NMNAT1: variants seen among roughly 807,000 people sequenced by gnomAD.
NMNAT1 encodes nicotinamide nucleotide adenylyltransferase 1.
In NMNAT1, 11 loss-of-function variants were observed where a neutral mutation model predicts 16.7. That is an observed-to-expected ratio of 0.66 (90% confidence interval 0.41 to 1.09). The LOEUF is 1.09. NMNAT1 is among the 50% of genes least tolerant of loss of function. NMNAT1 has a pLI of 0.00. For missense variants in NMNAT1, 280 were observed against 332.3 expected (o/e 0.84, Z 1.22); for synonymous variants, 110 against 119.8 (o/e 0.92, Z 0.53).
intron 3 of NMNAT1, among the ~76,000 whole-genome samples, chr1:9,977,730 T>C (rs1641846658): frequency 1.3e-5 from 2 of 151,052 alleles, no homozygotes; most frequent in Admixed American, 1.3e-4. Flanking sequence ...GCTGGGCCCA[T>C]ACCTGTAATC....
At chr1:9,994,732 C>T in the NMNAT1 span, among the ~76,000 whole-genome samples, 3 of 151,956 alleles carry the variant, frequency 2.0e-5, no homozygotes, top group African/African-American at 7.3e-5. Flanking sequence ...CTGCCTCAGC[C>T]TCCCGAGTAG....
chr1:9,996,050 G>A, the NMNAT1 span, among the ~76,000 whole-genome samples: 5 of 149,246 alleles, frequency 3.4e-5, no homozygotes, highest in East Asian at 8.1e-4. Context: ...AGTGGCTCAG[G>A]CCTGTAATCC....
chr1:9,956,010 T>G (rs1035643991), intron 1 of NMNAT1: 1 of 152,146 alleles, frequency 6.6e-6, no homozygotes, highest in Non-Finnish European at 1.5e-5. Flanking sequence ...ATTCTTATTC[T>G]GGCACTGGGT....
At chr1:9,968,927 G>A (rs1272617298) in intron 1 of NMNAT1, among the ~76,000 whole-genome samples, 2 of 143,764 alleles carry the variant, frequency 1.4e-5, no homozygotes, top group East Asian at 2.0e-4. Flanking sequence ...GTGACAGAGC[G>A]AGACTCTGTC....
At chr1:9,957,405 C>A (rs1385155099) in intron 1 of NMNAT1, among the ~76,000 whole-genome samples, 1 of 151,648 alleles carries the variant, frequency 6.6e-6, no homozygotes, top group African/African-American at 2.4e-5. Flanking sequence ...ACTGTAACCT[C>A]CACCTCCCGG....
intron 2 of NMNAT1, among the ~76,000 whole-genome samples, chr1:9,973,660 A>AT (rs1641738208): frequency 1.6e-5 from 2 of 124,072 alleles, no homozygotes; most frequent in African/African-American, 6.0e-5. Flanking sequence ...GTGAGCCAAG[A>AT]TGTCGCCACT....
At position 9,984,742 on chromosome 1, in the gene NMNAT1, C is replaced by G. The variant is rs533693921; in HGVS notation, c.*2041C>G. The G allele has an allele frequency of 6.6e-6, 1 of 152,224 alleles. No individual in the cohort carries two copies. Among genetic ancestry groups the G allele is most frequent in the South Asian group, 2.1e-4 (1 of 4,816 alleles). 9.4% of individuals were successfully genotyped at this position (152,224 alleles called of 1,614,324 possible). A position where few individuals can be genotyped will look rare whatever the true frequency, so the allele number is the denominator to read the frequency against. ...CATTGTGTAATTTGAAAGTGGCAAA[C>G]AAACCTGCAGTAAAAGTCCTTGATT... On this transcript the variant is annotated 3_prime_UTR_variant, in exon 5 of 5. Coordinates refer to ENST00000377205, the MANE Select transcript of NMNAT1 (RefSeq NM_022787.4).
chr1:9,952,871 A>G (rs1036618343), intron 1 of NMNAT1, among the ~76,000 whole-genome samples: 4 of 152,034 alleles, frequency 2.6e-5, no homozygotes, highest in African/African-American at 7.2e-5. Context: ...GCTCGGCTAG[A>G]AACAGATTCT....
In NMNAT1 at chr1:9,982,736, T is replaced by C; in HGVS notation, c.*35T>C. On this transcript the variant is annotated 3_prime_UTR_variant, in exon 5 of 5. Transcript: ENST00000377205. ...AGCATGATATTTCAGACTTCCCATT[T>C]GGGGATCTGAAACAATCTGGGAGTT... The C allele has an allele frequency of 6.5e-7, 1 of 1,546,324 alleles. No homozygotes were observed. The highest frequency in any genetic ancestry group is 8.7e-7 in the Non-Finnish European group (1 of 1,145,662).
At chr1:9,957,764 TCCC>T (rs975303525) in intron 1 of NMNAT1, among the ~76,000 whole-genome samples, 2 of 152,152 alleles carry the variant, frequency 1.3e-5, no homozygotes, top group African/African-American at 4.8e-5. Context: ...TTCCTGTCAC[TCCC>T]CCTCGCTTAA....
chr1:9,994,674 G>A, the NMNAT1 span, among the ~76,000 whole-genome samples: 11 of 143,428 alleles, frequency 7.7e-5, no homozygotes, highest in African/African-American at 2.9e-4. Context: ...GTGCAATGGC[G>A]CGATCTCGGC....
At chr1:9,958,786 A>T (rs1198980006) in intron 1 of NMNAT1, among the ~76,000 whole-genome samples, 1 of 152,122 alleles carries the variant, frequency 6.6e-6, no homozygotes, top group Non-Finnish European at 1.5e-5. Context: ...TTCCTTTATC[A>T]TGACTGTAAA....
At chr1:9,963,534 C>T (rs754529010) in intron 1 of NMNAT1, among the ~76,000 whole-genome samples, 14 of 152,130 alleles carry the variant, frequency 9.2e-5, no homozygotes, top group Non-Finnish European at 1.6e-4. Context: ...CTCAGCCTCC[C>T]GAGTACCTGG....
the NMNAT1 span, among the ~76,000 whole-genome samples, chr1:9,991,185 ATT>A: frequency 8.6e-3 from 1,196 of 139,594 alleles, 7 homozygotes; most frequent in African/African-American, 0.017. Context: ...AGTCAGCTGA[ATT>A]TTTTTTTTTT....
In NMNAT1 at chr1:9,981,092, GA is replaced by G. The variant is rs1413885352; in HGVS notation, c.364del (p.Arg122GlyfsTer20). 3.0e-5 allele frequency: 49 copies of G among 1,613,768 alleles called. No individual in the cohort carries two copies. The highest frequency in any genetic ancestry group is 4.0e-5 in the Non-Finnish European group (47 of 1,179,976). Reference protein sequence around the residue: ...CDHQQNSPTLERPGRKRKWTE... With the variant: ...CDHQQNSPTLXRPGRKRKWTE... ...TCACCAGCAGAACTCACCTACTCTA[GA>G]AAGGCCTGGAAGGAAGAGGAAGTGG... On this transcript the variant is annotated frameshift_variant, in exon 4 of 5. Transcript: ENST00000377205. LOFTEE classifies it high-confidence loss of function.
chr1:9,979,890 C>T (rs1641903367), intron 3 of NMNAT1, among the ~76,000 whole-genome samples: 3 of 151,884 alleles, frequency 2.0e-5, no homozygotes, highest in African/African-American at 7.3e-5. Flanking sequence ...TTTCTCCTTC[C>T]CTTACGGAGA....
At chr1:9,942,944 C>A, upstream of NMNAT1, 1 of 354,126 alleles carries the variant, frequency 2.8e-6, no homozygotes, top group Non-Finnish European at 5.6e-6. Context: ...TTCTTCCTAG[C>A]GAGGCCGAGA....
At chr1:9,980,175 A>ACC (rs1641909615) in intron 3 of NMNAT1, among the ~76,000 whole-genome samples, 1 of 151,582 alleles carries the variant, frequency 6.6e-6, no homozygotes, top group South Asian at 2.1e-4. Context: ...CAGGTGATCC[A>ACC]CCCGCCTTGG....
intron 1 of NMNAT1, among the ~76,000 whole-genome samples, chr1:9,971,785 A>G (rs1424142926): frequency 1.3e-5 from 2 of 152,070 alleles, no homozygotes; most frequent in East Asian, 3.9e-4. Flanking sequence ...CAACATAGCA[A>G]GACCCCCATC....
Sources: allele counts gnomAD v4.1 joint callset (sites outside exome capture counted in the v4.1 genomes callset), GRCh38; gene constraint gnomAD v4.1.1; transcripts MANE v1.5; gene names NCBI Gene and HGNC (gene_info 2026-07-23, HGNC 2026-07-21).